CACNA1H: variants seen among roughly 807,000 people sequenced by gnomAD.
CACNA1H encodes the protein voltage-dependent T-type calcium channel subunit alpha-1H.
CACNA1H carries 149 observed loss-of-function variants against 192.5 expected under a neutral mutation model. That is an observed-to-expected ratio of 0.77 (90% CI 0.68 to 0.89). The LOEUF (loss-of-function observed/expected upper bound fraction) is 0.89, where lower values mean the gene tolerates loss of function less well. Among genes scored for constraint, CACNA1H ranks in the 40% least tolerant of loss-of-function variants. The pLI is 0.00. For synonymous variants in CACNA1H, 2,202 were observed against 1,475.2 expected (o/e 1.49, Z -11.29); for missense variants, 4,257 against 3,423.5 (o/e 1.24, Z -6.08).
chr16:1,160,443 G>A (rs934050904), intron 2 of CACNA1H, among the ~76,000 whole-genome samples: 1 of 152,190 alleles, frequency 6.6e-6, no homozygotes, highest in East Asian at 1.9e-4. Flanking sequence ...TGGTGGGGGC[G>A]GGGCTCGGGG....
intron 2 of CACNA1H, among the ~76,000 whole-genome samples, chr16:1,187,411 G>A (rs181055441): frequency 1.3e-5 from 2 of 152,322 alleles, no homozygotes; most frequent in African/African-American, 4.8e-5. Context: ...TCCTGAGTGG[G>A]GGGCTGTGGC....
intron 2 of CACNA1H, among the ~76,000 whole-genome samples, chr16:1,174,787 G>A (rs542954307): frequency 9.2e-5 from 14 of 152,348 alleles, no homozygotes; most frequent in East Asian, 7.7e-4. Flanking sequence ...TTGGTGGATC[G>A]ATTCAGACAT....
Position 1,218,972 on chromosome 16 carries a change from T to A in CACNA1H, c.5890T>A (p.Ser1964Thr). The A allele has an allele frequency of 6.5e-7, 1 of 1,550,004 alleles. No individual in the cohort carries two copies. Among genetic ancestry groups the A allele is most frequent in the Non-Finnish European group, 8.7e-7 (1 of 1,146,856 alleles). ...ETYGAGTPLGSVASVHSPPAE... is the reference protein window; with the variant it reads ...ETYGAGTPLGTVASVHSPPAE... Reference sequence around the variant, plus strand: ...GCTTAGATTCTTCCCTGCCCCAGGCTCCGTTGCCTCTGTGCACTCTCCGCC... The same window carrying A: ...GCTTAGATTCTTCCCTGCCCCAGGCACCGTTGCCTCTGTGCACTCTCCGCC... The change falls in exon 34 of 35, where the codon TCC (serine) becomes ACC (threonine). Residue 1964 changes from serine (S) to threonine (T), a missense_variant and splice_region_variant. Transcript: ENST00000348261.
In CACNA1H at chr16:1,208,035, C is replaced by A; in HGVS notation, c.3177C>A (p.Ala1059=). 1 of 1,606,402 alleles carries A rather than the reference C, an allele frequency of 6.2e-7. No individual in the cohort carries two copies. The highest frequency in any genetic ancestry group is 8.5e-7 in the Non-Finnish European group (1 of 1,177,360). The change falls in exon 16 of 35, where the codon GCC becomes GCA. Residue 1059 remains alanine (A), a synonymous_variant. Transcript: ENST00000348261. ...CAGAGCTGAAGATGTGTTCCCTGGC[C>A]GTGACCCCCAACGGGCACCTGGAGG... ...QTTELKMCSL[A]VTPNGHLEGR... is the part of the protein sequence containing the mutation.
chr16:1,200,209 C>CCCTGACCCTGATTGTA, intron 6 of CACNA1H, 47 bp from the exon 7 acceptor site: 1 of 1,498,304 alleles, frequency 6.7e-7, no homozygotes, highest in Non-Finnish European at 9.1e-7. Context: ...CTCTGACCGT[C>CCCTGACCCTGATTGTA]CCTGACCCTG....
intron 2 of CACNA1H, among the ~76,000 whole-genome samples, chr16:1,169,443 G>C (rs1012825351): frequency 2.6e-5 from 4 of 152,186 alleles, no homozygotes; most frequent in African/African-American, 9.7e-5. Context: ...CTTGGTCCTC[G>C]CCAGCATGCC....
At chr16:1,188,530 C>G (rs1420716055) in intron 2 of CACNA1H, among the ~76,000 whole-genome samples, 3 of 151,614 alleles carry the variant, frequency 2.0e-5, no homozygotes, top group Non-Finnish European at 1.5e-5. Context: ...GTTCCCGCCA[C>G]TCGCAGACAC....
At chr16:1,185,064 C>T (rs1965848439) in intron 2 of CACNA1H, among the ~76,000 whole-genome samples, 1 of 152,222 alleles carries the variant, frequency 6.6e-6, no homozygotes, top group South Asian at 2.1e-4. Flanking sequence ...GTGGTCTCTA[C>T]CCCGCTTTGT....
intron 16 of CACNA1H, 99 bp downstream of exon 16, chr16:1,208,320 C>T (rs1035682844): frequency 3.6e-6 from 3 of 827,288 alleles, no homozygotes; most frequent in African/African-American, 1.7e-5. Flanking sequence ...CCGCACCCCC[C>T]ACACCCTTGA....
intron 2 of CACNA1H, among the ~76,000 whole-genome samples, chr16:1,164,868 G>A (rs527401151): frequency 2.0e-5 from 3 of 152,324 alleles, no homozygotes; most frequent in Non-Finnish European, 4.4e-5. Flanking sequence ...GGGTGAGCCC[G>A]TGGCCCCGTT....
intron 2 of CACNA1H, among the ~76,000 whole-genome samples, chr16:1,184,732 C>A (rs1965810073): frequency 6.6e-6 from 1 of 152,252 alleles, no homozygotes; most frequent in South Asian, 2.1e-4. Flanking sequence ...CAACCTATGC[C>A]TGCCCATGTG....
At chr16:1,169,266 G>T (rs1304697030) in intron 2 of CACNA1H, among the ~76,000 whole-genome samples, 1 of 152,112 alleles carries the variant, frequency 6.6e-6, no homozygotes, top group Admixed American at 6.5e-5. Flanking sequence ...ACTGTGGGCG[G>T]CACCGTCGCT....
chr16:1,213,981 G>C, intron 27 of CACNA1H, 50 bp downstream of exon 27: 1 of 1,521,360 alleles, frequency 6.6e-7, no homozygotes, highest in African/African-American at 1.4e-5. Flanking sequence ...CACCCCCAGT[G>C]GGGCAGCCAA....
Position 1,207,110 on chromosome 16 carries a change from G to A in CACNA1H, c.2899G>A (p.Val967Met), listed in dbSNP as rs1489760070. 4 of 1,589,612 alleles carry A rather than the reference G, an allele frequency of 2.5e-6. No homozygotes were observed. The highest frequency in any genetic ancestry group is 1.1e-5 in the South Asian group (1 of 87,540). Residue 967 changes from valine (V) to methionine (M), a missense_variant, in exon 13 of 35, where the codon GTG becomes ATG. Val to Met is a conservative substitution (Grantham distance 21). Transcript: ENST00000348261. ...CTCCCTGCTGTGGGCCATCGTCACC[G>A]TGTTCCAGGTAGTGCCCGGGGTCCC... ...FDSLLWAIVT[V>M]FQILTQEDWN... is the part of the protein sequence containing the mutation.
In CACNA1H at chr16:1,200,975, C is replaced by A. The variant is rs545348872; in HGVS notation, c.1212+167C>A. 4.6e-5 allele frequency among the ~76,000 whole-genome samples: 7 copies of A among 152,140 alleles called. No individual in the cohort carries two copies. In the South Asian group the frequency reaches 1.5e-3, roughly 32 times the overall value. On this transcript the variant is annotated intron_variant, in intron 8 of 34. Coordinates refer to ENST00000348261, the MANE Select transcript of CACNA1H (RefSeq NM_021098.3). ...GGGGGTGGGGAGGTGTGGCTGGGGA[C>A]CCCAAGAGGCCATGGCATCACCTAG...
chr16:1,183,942 G>T (rs1381856703), intron 2 of CACNA1H, among the ~76,000 whole-genome samples: 1 of 152,242 alleles, frequency 6.6e-6, no homozygotes, highest in Non-Finnish European at 1.5e-5. Context: ...CCCTGGAGCC[G>T]TGTCCATGCC....
chr16:1,211,560 A>G lies in CACNA1H; in HGVS notation c.4430A>G (p.His1477Arg), dbSNP rs1567542033. Reference sequence around the variant, plus strand: ...ACCAAGGCACAGTGCCGGGCCGCCCACTACCGCTGGGTGCGACGCAAGTAC... The same window carrying G: ...ACCAAGGCACAGTGCCGGGCCGCCCGCTACCGCTGGGTGCGACGCAAGTAC... ...ISTKAQCRAA[H>R]YRWVRRKYNF... Residue 1477 changes from histidine to arginine, a missense_variant, in exon 23 of 35, where the codon CAC becomes CGC. His to Arg is a conservative substitution (Grantham distance 29). Transcript: ENST00000348261. The G allele has an allele frequency of 3.1e-6, 5 of 1,611,908 alleles. No individual in the cohort carries two copies. The highest frequency in any genetic ancestry group is 1.1e-5 in the South Asian group (1 of 91,014).
intron 2 of CACNA1H, among the ~76,000 whole-genome samples, chr16:1,182,813 C>T (rs1965607204): frequency 6.6e-6 from 1 of 152,234 alleles, no homozygotes; most frequent in South Asian, 2.1e-4. Flanking sequence ...TGGCCCTCCT[C>T]TGACGTTGCC....
rs766620515 is a variant in CACNA1H at position 1,205,108 on chromosome 16, C to T, written c.2452-6C>T. 1.8e-5 allele frequency: 29 copies of T among 1,609,800 alleles called. No individual in the cohort carries two copies. The highest frequency in any genetic ancestry group is 1.1e-4 in the East Asian group (5 of 44,844). ...CCTCCTGAACTGTCCCCACCTCTGCCTGCAGCCCGAGGAGCTGACTAATGC... is the reference window on the plus strand; with the variant it reads ...CCTCCTGAACTGTCCCCACCTCTGCTTGCAGCCCGAGGAGCTGACTAATGC... On this transcript the variant is annotated splice_polypyrimidine_tract_variant and splice_region_variant and intron_variant, in intron 10 of 34. Transcript: ENST00000348261.
Sources: allele counts gnomAD v4.1 joint callset (sites outside exome capture counted in the v4.1 genomes callset), GRCh38; gene constraint gnomAD v4.1.1; transcripts MANE v1.5; gene names NCBI Gene and HGNC (gene_info 2026-07-23, HGNC 2026-07-21).